Variants in TEX2 observed in about 807,000 individuals in gnomAD.
TEX2 encodes testis-expressed protein 2.
A neutral mutation model predicts 106.9 loss-of-function variants in TEX2; 53 were observed. That is an observed-to-expected ratio of 0.50 (90% CI 0.40 to 0.62). The LOEUF (loss-of-function observed/expected upper bound fraction) is 0.62. Among genes scored for constraint, TEX2 ranks in the 20% least tolerant of loss-of-function variants. TEX2 has a pLI of 0.00. For missense variants in TEX2, 1,207 were observed against 1,379.0 expected, an observed-to-expected ratio of 0.88 and a Z score of 1.98; for synonymous variants, 523 against 534.8, an observed-to-expected ratio of 0.98 and a Z score of 0.30.
Position 64,250,854 on chromosome 17 carries a change from G to A in TEX2, c.-26+12314C>T, listed in dbSNP as rs1317239996. On this transcript the variant is annotated intron_variant, in intron 1 of 11. Transcript: ENST00000584379. The stretch of plus-strand genomic sequence containing the variant: ...ATGTCACCATGCCCAGCTAATTTTT[G>A]TTTTTGTTTTTTATTTTTGTAGAGA... Among the ~76,000 whole-genome samples, 6 of 151,960 alleles carry A rather than the reference G, an allele frequency of 3.9e-5. No individual in the cohort carries two copies. The East Asian group carries it at 1.2e-3, about 29-fold the overall frequency.
At chr17:64,168,285 A>G (rs2031231106) in intron 7 of TEX2, among the ~76,000 whole-genome samples, 1 of 152,170 alleles carries the variant, frequency 6.6e-6, no homozygotes, top group Non-Finnish European at 1.5e-5. Context: ...TACATGCATC[A>G]TTTGTGGACT....
chr17:64,168,384 C>T (rs1162114603), intron 7 of TEX2, among the ~76,000 whole-genome samples: 1 of 152,204 alleles, frequency 6.6e-6, no homozygotes, highest in East Asian at 1.9e-4. Context: ...CCTTGTTACA[C>T]AAGCAGGCAA....
intron 1 of TEX2, among the ~76,000 whole-genome samples, chr17:64,231,002 T>C (rs1313745165): frequency 2.0e-5 from 3 of 152,216 alleles, no homozygotes; most frequent in Admixed American, 6.5e-5. Flanking sequence ...TTCTAGACTT[T>C]CCAGACTTGT....
chr17:64,259,815 G>A (rs1555638303), intron 1 of TEX2, among the ~76,000 whole-genome samples: 4 of 152,170 alleles, frequency 2.6e-5, no homozygotes, highest in African/African-American at 9.7e-5. Context: ...GTTCATCTAA[G>A]ACCATTGACT....
intron 1 of TEX2, among the ~76,000 whole-genome samples, chr17:64,249,947 G>A (rs1442919985): frequency 1.3e-5 from 2 of 152,100 alleles, no homozygotes; most frequent in African/African-American, 2.4e-5. Flanking sequence ...ACCACTCACC[G>A]TATCCCCACA....
Position 64,179,911 on chromosome 17 carries a change from A to G in TEX2, c.2425-2440T>C, listed in dbSNP as rs368283225. ...GTGACGTTTTCTGTCATTAACCAAGACATTTTCCACCACTAGGTCCTGGAT... is the reference window on the plus strand; with the variant it reads ...GTGACGTTTTCTGTCATTAACCAAGGCATTTTCCACCACTAGGTCCTGGAT... On this transcript the variant is annotated intron_variant, in intron 5 of 11. Coordinates refer to ENST00000584379, the MANE Select transcript of TEX2 (RefSeq NM_001288732.2). Among the ~76,000 whole-genome samples, 45 of 152,292 alleles carry G rather than the reference A, an allele frequency of 3.0e-4. No homozygotes were observed. The South Asian group carries it at 6.2e-3, about 21-fold the overall frequency.
chr17:64,241,021 A>T (rs1555635709), intron 1 of TEX2, among the ~76,000 whole-genome samples: 1 of 152,216 alleles, frequency 6.6e-6, no homozygotes, highest in East Asian at 1.9e-4. Flanking sequence ...CAGAAGAAAA[A>T]TAGCCTCAGG....
chr17:64,193,504 A>G, intron 4 of TEX2, 55 bp downstream of exon 4: 2 of 1,326,550 alleles, frequency 1.5e-6, no homozygotes, highest in South Asian at 2.1e-5. Context: ...TTCTTTCTCT[A>G]TTCTCCCTAG....
In TEX2 at chr17:64,153,439, C is replaced by T. The variant is rs2030464364; in HGVS notation, c.2931-285G>A. 6.7e-6 allele frequency among the ~76,000 whole-genome samples: 1 copy of T among 148,192 alleles called. No homozygotes were observed. Among genetic ancestry groups the T allele is most frequent in the African/African-American group, 2.5e-5 (1 of 40,114 alleles). Reference sequence around the variant, plus strand: ...GGGCCAAATCACCCCCAGTTGAGAACTACTACTTCAGAGAAGGTGTAAATG... The same window carrying T: ...GGGCCAAATCACCCCCAGTTGAGAATTACTACTTCAGAGAAGGTGTAAATG... On this transcript the variant is annotated intron_variant, in intron 9 of 11. Coordinates refer to ENST00000584379, the MANE Select transcript of TEX2 (RefSeq NM_001288732.2). This position sits in a 1 kb window ranked among gnomAD's most constrained non-coding sequence, Gnocchi z 4.1.
chr17:64,191,817 C>CAAAAAAAAA (rs58376086), intron 4 of TEX2, among the ~76,000 whole-genome samples: 7 of 119,900 alleles, frequency 5.8e-5, no homozygotes, highest in Admixed American at 8.0e-5. Context: ...GACTCCATCT[C>CAAAAAAAAA]AAAAAAAAAA....
chr17:64,257,516 C>T (rs1249466250), intron 1 of TEX2, among the ~76,000 whole-genome samples: 1 of 152,200 alleles, frequency 6.6e-6, no homozygotes, highest in Middle Eastern at 3.2e-3. Flanking sequence ...TTTTAAACTG[C>T]ATGCCATTCT....
intron 1 of TEX2, chr17:64,230,604 C>T (rs1266400114): frequency 6.6e-6 from 1 of 152,248 alleles, no homozygotes; most frequent in Non-Finnish European, 1.5e-5. Flanking sequence ...ATTGAAAACA[C>T]AGACCGAGTG....
chr17:64,204,859 C>T (rs114499305), intron 2 of TEX2, among the ~76,000 whole-genome samples: 2,636 of 152,272 alleles, frequency 0.017, 86 homozygotes, highest in African/African-American at 0.061. Context: ...AATTACAATT[C>T]AGCCATGCCA....
At chr17:64,173,466 G>C (rs2031495337) in intron 6 of TEX2, among the ~76,000 whole-genome samples, 1 of 152,150 alleles carries the variant, frequency 6.6e-6, no homozygotes, top group South Asian at 2.1e-4. Context: ...CTCTTCAGCT[G>C]TTTCCCTGCA....
chr17:64,195,065 G>A lies in TEX2; in HGVS notation c.1675C>T (p.Pro559Ser), dbSNP rs2032425677. 6.2e-7 allele frequency: 1 copy of A among 1,613,976 alleles called. No individual in the cohort carries two copies. The stretch of plus-strand genomic sequence containing the variant: ...GTCAAAGTCGCATGGTAGGTTTCTG[G>A]ATCATAGTTGTAAATCTCATTCATC... Reference protein sequence around the residue: ...GWMNEIYNYDPETYHATLTHS... With the variant: ...GWMNEIYNYDSETYHATLTHS... Residue 559 changes from proline (P) to serine (S), a missense_variant, in exon 3 of 12, where the codon CCA becomes TCA. Coordinates refer to ENST00000584379, the MANE Select transcript of TEX2 (RefSeq NM_001288732.2). The surrounding 1 kb of genome is among the most constrained non-coding windows in gnomAD (Gnocchi z 4.1).
intron 5 of TEX2, among the ~76,000 whole-genome samples, chr17:64,186,452 GAA>G (rs2032078949): frequency 6.6e-6 from 1 of 152,212 alleles, no homozygotes; most frequent in Admixed American, 6.5e-5. Flanking sequence ...CTTCCACACT[GAA>G]GAGGATCAAC....
At chr17:64,218,641 A>C (rs908088007) in intron 1 of TEX2, among the ~76,000 whole-genome samples, 5 of 151,310 alleles carry the variant, frequency 3.3e-5, no homozygotes, top group Admixed American at 1.3e-4. Flanking sequence ...CTGGTCTTGA[A>C]CTCCTGACCT....
At chr17:64,241,086 G>C (rs2033879298) in intron 1 of TEX2, among the ~76,000 whole-genome samples, 1 of 152,212 alleles carries the variant, frequency 6.6e-6, no homozygotes, top group South Asian at 2.1e-4. Context: ...GGGATTCAGG[G>C]CCATGCTGAA....
chr17:64,249,307 T>C (rs2034047834), intron 1 of TEX2, among the ~76,000 whole-genome samples: 1 of 151,930 alleles, frequency 6.6e-6, no homozygotes, highest in South Asian at 2.1e-4. Flanking sequence ...GTGTGTAGGG[T>C]GAGAGGCTAG....
Sources: gnomAD v4.1 joint callset for allele counts (sites outside exome capture counted in the v4.1 genomes callset) on GRCh38, gnomAD v4.1.1 for gene constraint, Gnocchi (gnomAD v3.1) non-coding constraint, MANE v1.5 for transcripts, NCBI Gene and HGNC (gene_info 2026-07-23, HGNC 2026-07-21) for gene names.